The following LRRFIP1 variants were observed in gnomAD, a reference collection of about 807,000 sequenced individuals.
LRRFIP1 encodes the protein LRR binding FLII interacting protein 1.
LRRFIP1 carries 62 observed loss-of-function variants against 104.4 expected under a neutral mutation model. The ratio of observed to expected loss-of-function variants is 0.59; its 90% CI spans 0.48 to 0.73. The LOEUF is 0.73. Among genes scored for constraint, LRRFIP1 ranks in the 30% least tolerant of loss-of-function variants. LRRFIP1 has a pLI of 0.00. For synonymous variants in LRRFIP1, 300 were observed against 299.0 expected (o/e 1.00, Z -0.03); for missense variants, 796 against 824.5 (o/e 0.97, Z 0.42).
chr2:237,679,555 G>A (rs534437429), intron 1 of LRRFIP1, among the ~76,000 whole-genome samples: 25 of 152,314 alleles, frequency 1.6e-4, no homozygotes, highest in Admixed American at 9.8e-4. Context: ...TGAGAGTTCA[G>A]TAAGATAGTT....
Position 237,765,059 on chromosome 2 carries a change from C to T in LRRFIP1, c.1459+4854C>T, listed in dbSNP as rs529954680. 9 of 743,054 alleles carry T rather than the reference C, an allele frequency of 1.2e-5. No individual in the cohort carries two copies. The South Asian group carries it at 4.9e-4, about 40-fold the overall frequency. 46.0% of individuals were successfully genotyped at this position (743,054 alleles called of 1,614,324 possible). On this transcript the variant is annotated intron_variant, in intron 19 of 23. Coordinates refer to ENST00000308482, the MANE Select transcript of LRRFIP1 (RefSeq NM_001137550.2). The stretch of plus-strand genomic sequence containing the variant: ...GGTGGATCACCTGAGGTCAAGAGTT[C>T]GAGGCCAGCCTGGCCAACATGGTGA...
chr2:237,733,091 C>T (rs1056806156), intron 8 of LRRFIP1, among the ~76,000 whole-genome samples: 1 of 152,232 alleles, frequency 6.6e-6, no homozygotes, highest in Non-Finnish European at 1.5e-5. Flanking sequence ...GCCTGACTTG[C>T]TCAGTGTGCC....
chr2:237,692,388 C>T (rs1488784615), intron 1 of LRRFIP1: 139 of 1,406,566 alleles, frequency 9.9e-5, no homozygotes, highest in Non-Finnish European at 1.3e-4. Context: ...CCTGGCCCGG[C>T]CCGCGAGGGG....
In LRRFIP1 at chr2:237,760,050, A is replaced by G. The variant is rs765827265; in HGVS notation, c.1318-14A>G. The G allele has an allele frequency of 3.1e-6, 5 of 1,612,332 alleles. No homozygotes were observed. Among genetic ancestry groups the G allele is most frequent in the Non-Finnish European group, 3.4e-6 (4 of 1,178,508 alleles). The stretch of plus-strand genomic sequence containing the variant: ...ACTGAGTAAATATTACGATGAGCCT[A>G]TTTTTGTTCCCAGAAACATGGAATA... On this transcript the variant is annotated splice_polypyrimidine_tract_variant and intron_variant, in intron 18 of 23. Transcript: ENST00000308482.
rs11313761 is a variant in LRRFIP1, at chr2:237,663,428, T to TC, written c.96+35696dup. The stretch of plus-strand genomic sequence containing the variant: ...TATAAAACAAACCCGGGGAGTTCTT[T>TC]CCCCCCCCATCCCGCCATGTGAGGA... On this transcript the variant is annotated intron_variant, in intron 1 of 23. Coordinates refer to ENST00000308482, the MANE Select transcript of LRRFIP1 (RefSeq NM_001137550.2). 9.4e-3 allele frequency among the ~76,000 whole-genome samples: 1,422 copies of TC among 151,912 alleles called. 14 individuals carry two copies. The highest frequency in any genetic ancestry group is 0.032 in the African/African-American group (1,333 of 41,368).
chr2:237,683,644 G>C (rs1340598772), intron 1 of LRRFIP1: 1 of 152,248 alleles, frequency 6.6e-6, no homozygotes, highest in Non-Finnish European at 1.5e-5. Context: ...CCTTCTATTA[G>C]AGTGTGGGTC....
Position 237,780,705 on chromosome 2 carries a change from T to G in LRRFIP1, c.*1173T>G, listed in dbSNP as rs77635773. 8.6e-5 allele frequency among the ~76,000 whole-genome samples: 13 copies of G among 151,826 alleles called. No homozygotes were observed. Among genetic ancestry groups the G allele is most frequent in the African/African-American group, 3.1e-4 (13 of 41,276 alleles). Reference sequence around the variant, plus strand: ...TCTTAACACATGGAGAATGCTGGAGTGAGGGTTGTGAGTTCAGGGTATATA... The same window carrying G: ...TCTTAACACATGGAGAATGCTGGAGGGAGGGTTGTGAGTTCAGGGTATATA... On this transcript the variant is annotated 3_prime_UTR_variant, in exon 24 of 24. Coordinates refer to ENST00000308482, the MANE Select transcript of LRRFIP1 (RefSeq NM_001137550.2).
intron 5 of LRRFIP1, 124 bp downstream of exon 5, chr2:237,719,691 A>G (rs1047920237): frequency 6.6e-5 from 40 of 605,486 alleles, no homozygotes; most frequent in Non-Finnish European, 1.0e-4. Flanking sequence ...AAAGAAATTA[A>G]CTAATACTAT....
rs572366128 is a variant in LRRFIP1, at chr2:237,715,770, G to T, written c.201+1494G>T. ...AGTAGCGCGGCTCCTGCTTCCCTCC[G>T]CATGGCTTCCGGATCATGGTAGTGA... On this transcript the variant is annotated intron_variant, in intron 3 of 23. Transcript: ENST00000308482. Among the ~76,000 whole-genome samples, 16 of 152,330 alleles carry T rather than the reference G, an allele frequency of 1.1e-4. No individual in the cohort carries two copies. The East Asian group carries it at 2.7e-3, about 26-fold the overall frequency.
At chr2:237,632,182 T>G (rs1372788256) in intron 1 of LRRFIP1, among the ~76,000 whole-genome samples, 6 of 149,866 alleles carry the variant, frequency 4.0e-5, no homozygotes, top group African/African-American at 1.2e-4. Context: ...CCCCAAGGAG[T>G]CCAGTTGTGG....
At position 237,691,625 on chromosome 2, in the gene LRRFIP1, G is replaced by A. The variant is rs561694734; in HGVS notation, c.97-16919G>A. On this transcript the variant is annotated intron_variant, in intron 1 of 23. Coordinates refer to ENST00000308482, the MANE Select transcript of LRRFIP1 (RefSeq NM_001137550.2). The surrounding 1 kb of genome is among the most constrained non-coding windows in gnomAD (Gnocchi z 5.4). ...CTTCCGCGTCCAGGAAGCTCAGCGTGGCCTGAGGGTGATGGATGTGGGGGA... is the reference window on the plus strand; with the variant it reads ...CTTCCGCGTCCAGGAAGCTCAGCGTAGCCTGAGGGTGATGGATGTGGGGGA... Among the ~76,000 whole-genome samples the A allele has an allele frequency of 6.6e-6, 1 of 152,174 alleles. No individual in the cohort carries two copies. The highest frequency in any genetic ancestry group is 1.5e-5 in the Non-Finnish European group (1 of 68,034).
chr2:237,729,119 G>A (rs938176905), intron 8 of LRRFIP1, among the ~76,000 whole-genome samples: 2 of 152,156 alleles, frequency 1.3e-5, no homozygotes, highest in African/African-American at 4.8e-5. Context: ...TAGAGATGGA[G>A]TTTCACCCTG....
At chr2:237,657,327 G>A (rs534523858) in intron 1 of LRRFIP1, among the ~76,000 whole-genome samples, 48 of 152,144 alleles carry the variant, frequency 3.2e-4, no homozygotes, top group South Asian at 8.3e-4. Flanking sequence ...TAAATAAATG[G>A]AACAATGAAT....
At position 237,753,249 on chromosome 2, in the gene LRRFIP1, A is replaced by G; in HGVS notation, c.868-60A>G. The G allele has an allele frequency of 2.2e-6, 3 of 1,339,360 alleles. No individual in the cohort carries two copies. In the East Asian group the frequency reaches 7.5e-5, roughly 33 times the overall value. 83.0% of individuals were successfully genotyped at this position (1,339,360 alleles called of 1,614,324 possible). A position where few individuals can be genotyped will look rare whatever the true frequency, so the allele number is the denominator to read the frequency against. On this transcript the variant is annotated intron_variant, in intron 14 of 23. Coordinates refer to ENST00000308482, the MANE Select transcript of LRRFIP1 (RefSeq NM_001137550.2). ...AGGGTTTTTTTTTAACAGAATACTG[A>G]ATGATTCTTTGTTTTGATTTTTTTA... is the stretch of plus-strand genomic sequence containing the variant.
chr2:237,726,856 C>T (rs1368399235), intron 7 of LRRFIP1, among the ~76,000 whole-genome samples: 1 of 152,062 alleles, frequency 6.6e-6, no homozygotes, highest in East Asian at 1.9e-4. Context: ...CTTAAGGGAA[C>T]CTGGGCTGGG....
At chr2:237,738,055 C>G (rs975055429) in intron 10 of LRRFIP1, among the ~76,000 whole-genome samples, 3 of 152,072 alleles carry the variant, frequency 2.0e-5, no homozygotes, top group Non-Finnish European at 2.9e-5. Context: ...GGTCACTAGC[C>G]CTGGTGAGGA....
chr2:237,757,589 C>A (rs543467872), intron 17 of LRRFIP1, 41 bp downstream of exon 17: 9 of 1,439,590 alleles, frequency 6.3e-6, no homozygotes, highest in Middle Eastern at 1.7e-4. Context: ...AAATGGGCAG[C>A]CTGCTTAGCA....
intron 1 of LRRFIP1, among the ~76,000 whole-genome samples, chr2:237,693,432 TG>T (rs1244280909): frequency 1.3e-5 from 2 of 152,224 alleles, no homozygotes; most frequent in Non-Finnish European, 2.9e-5. Context: ...AAGTAGAGTC[TG>T]ATGAACTCAT....
chr2:237,666,646 G>A (rs2089305564), intron 1 of LRRFIP1, among the ~76,000 whole-genome samples: 1 of 152,154 alleles, frequency 6.6e-6, no homozygotes, highest in Admixed American at 6.5e-5. Context: ...GAGGAGTGAA[G>A]CAAACCCTGC....
Sources: gnomAD v4.1 joint callset for allele counts (sites outside exome capture counted in the v4.1 genomes callset) on GRCh38, gnomAD v4.1.1 for gene constraint, Gnocchi (gnomAD v3.1) non-coding constraint, MANE v1.5 for transcripts, NCBI Gene and HGNC (gene_info 2026-07-23, HGNC 2026-07-21) for gene names.